PTPN20: variants seen among roughly 807,000 people sequenced by gnomAD.
The protein encoded by PTPN20 is tyrosine-protein phosphatase non-receptor type 20.
PTPN20 carries 9 observed loss-of-function variants against 35.0 expected under a neutral mutation model. That is an observed-to-expected ratio of 0.26 (90% CI 0.15 to 0.45). The LOEUF (loss-of-function observed/expected upper bound fraction) is 0.45. Ranked by LOEUF, PTPN20 falls within the 20% of genes least tolerant of loss-of-function variation. The probability of loss-of-function intolerance (pLI) is 1.00; values close to 1 mark genes in which losing one functional copy is unlikely to be tolerated. For synonymous variants in PTPN20, 32 were observed against 100.2 expected (o/e 0.32, Z 4.06); for missense variants, 111 against 312.5 (o/e 0.36, Z 4.86).
At chr10:46,994,322 CTTTTT>C (rs36049729) in intron 9 of PTPN20, among the ~76,000 whole-genome samples, 3 of 66,296 alleles carry the variant, frequency 4.5e-5, no homozygotes, top group East Asian at 5.7e-4. Flanking sequence ...CTCTGATGCT[CTTTTT>C]TTTTTTTTTT....
chr10:46,999,104 T>A (rs9794217), intron 9 of PTPN20, among the ~76,000 whole-genome samples: 108,044 of 152,110 alleles, frequency 0.71, 39,950 homozygotes, highest in East Asian at 1. Context: ...TCTAAAAAAC[T>A]AAAAGTTTTT....
At chr10:46,937,284 A>G (rs1289549986) in intron 2 of PTPN20, among the ~76,000 whole-genome samples, 1 of 146,450 alleles carries the variant, frequency 6.8e-6, no homozygotes, top group Non-Finnish European at 1.5e-5. Flanking sequence ...TTCTATATTT[A>G]ATGTGTCTGT....
chr10:46,940,793 G>A (rs2043224653), intron 3 of PTPN20, 76 bp downstream of exon 3: 6 of 1,309,354 alleles, frequency 4.6e-6, no homozygotes, highest in South Asian at 2.4e-5. Context: ...CTGGGAAATG[G>A]GTATCTATTT....
chr10:46,975,806 C>T (rs2053380079), intron 7 of PTPN20, among the ~76,000 whole-genome samples: 1 of 151,836 alleles, frequency 6.6e-6, no homozygotes, highest in South Asian at 2.1e-4. Flanking sequence ...GGATTACAGG[C>T]ATGTGCCACC....
At chr10:47,000,001 T>C in intron 10 of PTPN20, 27 bp downstream of exon 10, 1 of 1,613,316 alleles carries the variant, frequency 6.2e-7, no homozygotes, top group Non-Finnish European at 8.5e-7. Flanking sequence ...TACATAATAA[T>C]AAGAATAATG....
In PTPN20 at chr10:47,000,865, T is replaced by A. The variant is rs1287188343; in HGVS notation, c.*124T>A. 7.9e-7 allele frequency: 1 copy of A among 1,262,016 alleles called. No homozygotes were observed. Among genetic ancestry groups the A allele is most frequent in the African/African-American group, 1.5e-5 (1 of 67,732 alleles). 78.2% of individuals were successfully genotyped at this position (1,262,016 alleles called of 1,614,324 possible). ...ACAATCTGCTTTCTTGGTTTATCAG[T>A]TTATTTTCTTTCTAAAAGCTCCCTG... On this transcript the variant is annotated 3_prime_UTR_variant, in exon 11 of 11. Coordinates refer to ENST00000374339, the MANE Select transcript of PTPN20 (RefSeq NM_001042357.5).
chr10:46,988,783 A>G (rs1435867164), intron 9 of PTPN20, among the ~76,000 whole-genome samples: 1 of 150,692 alleles, frequency 6.6e-6, no homozygotes, highest in Admixed American at 6.6e-5. Context: ...CGTTTCTTTC[A>G]TCAGTGTTTT....
chr10:46,935,241 T>C (rs1337995462), intron 2 of PTPN20, among the ~76,000 whole-genome samples: 1 of 139,358 alleles, frequency 7.2e-6, no homozygotes, highest in South Asian at 2.4e-4. Flanking sequence ...ACCCAGGTAG[T>C]GATTCACTTA....
chr10:46,991,917 T>A (rs1298117268), intron 9 of PTPN20, among the ~76,000 whole-genome samples: 2 of 152,272 alleles, frequency 1.3e-5, no homozygotes, highest in East Asian at 1.9e-4. Flanking sequence ...ATGGTCATCT[T>A]GTATGGTATC....
intron 1 of PTPN20, among the ~76,000 whole-genome samples, chr10:46,929,598 C>G (rs2038912910): frequency 6.6e-6 from 1 of 151,326 alleles, no homozygotes; most frequent in East Asian, 1.9e-4. Context: ...CATTTCTTGC[C>G]ATGTCTCCAT....
At chr10:46,976,380 A>T (rs2053590826) in intron 7 of PTPN20, among the ~76,000 whole-genome samples, 2 of 97,016 alleles carry the variant, frequency 2.1e-5, no homozygotes, top group South Asian at 8.4e-4. Flanking sequence ...TAAGTAGTTG[A>T]TGCAGTCTCA....
At chr10:46,937,950 C>CTTT (rs1266304586) in intron 2 of PTPN20, among the ~76,000 whole-genome samples, 8 of 127,164 alleles carry the variant, frequency 6.3e-5, no homozygotes, top group African/African-American at 9.1e-5. Flanking sequence ...TTTTTCTTTT[C>CTTT]TTTTTTTTTT....
chr10:46,939,287 A>G (rs1276023711), intron 2 of PTPN20, among the ~76,000 whole-genome samples: 1 of 123,834 alleles, frequency 8.1e-6, no homozygotes, highest in Non-Finnish European at 1.6e-5. Context: ...TGTATAACTT[A>G]TAATTCTCTT....
At chr10:46,941,369 G>T (rs1555135815) in intron 3 of PTPN20, among the ~76,000 whole-genome samples, 2 of 133,922 alleles carry the variant, frequency 1.5e-5, no homozygotes, top group Non-Finnish European at 3.1e-5. Context: ...CCCCAGGTGG[G>T]CAGGAGTGCA....
intron 5 of PTPN20, among the ~76,000 whole-genome samples, chr10:46,959,687 C>A (rs2049371293): frequency 1.7e-5 from 2 of 119,304 alleles, no homozygotes; most frequent in African/African-American, 6.6e-5. Flanking sequence ...TTGTGGTTAC[C>A]ATGGGCATTA....
intron 5 of PTPN20, among the ~76,000 whole-genome samples, chr10:46,953,694 A>G (rs1555149412): frequency 7.1e-6 from 1 of 140,898 alleles, no homozygotes; most frequent in Non-Finnish European, 1.5e-5. Flanking sequence ...TTGCCTGTTG[A>G]TATACCGTGA....
intron 7 of PTPN20, among the ~76,000 whole-genome samples, chr10:46,982,388 G>T (rs1438421707): frequency 1.3e-5 from 2 of 149,896 alleles, no homozygotes; most frequent in Non-Finnish European, 3.0e-5. Context: ...GCTTTCCTAT[G>T]ATCACTTGAA....
At chr10:46,954,019 C>T (rs2047651648) in intron 5 of PTPN20, among the ~76,000 whole-genome samples, 1 of 119,738 alleles carries the variant, frequency 8.4e-6, no homozygotes, top group African/African-American at 3.8e-5. Flanking sequence ...TGCTAAAATT[C>T]ACCAGTGAGG....
chr10:46,933,475 C>CT (rs2040428211), intron 2 of PTPN20, among the ~76,000 whole-genome samples: 2 of 149,080 alleles, frequency 1.3e-5, no homozygotes, highest in Admixed American at 1.3e-4. Flanking sequence ...CCTCCTTCCT[C>CT]TATACCCTGG....
Sources: allele counts gnomAD v4.1 joint callset (sites outside exome capture counted in the v4.1 genomes callset), GRCh38; gene constraint gnomAD v4.1.1; transcripts MANE v1.5; gene names NCBI Gene and HGNC (gene_info 2026-07-23, HGNC 2026-07-21).